The following CYP3A7 variants were observed in gnomAD, a reference collection of about 807,000 sequenced individuals.
CYP3A7 encodes cytochrome P450 3A7.
CYP3A7 carries 45 observed loss-of-function variants against 55.2 expected under a neutral mutation model. That is an observed-to-expected ratio of 0.82 (90% CI 0.64 to 1.05). CYP3A7 has a LOEUF of 1.05. Ranked by LOEUF, CYP3A7 falls within the 50% of genes least tolerant of loss-of-function variation. The probability of loss-of-function intolerance (pLI) is 0.00; values close to 1 mark genes in which losing one functional copy is unlikely to be tolerated. For synonymous variants in CYP3A7, 180 were observed against 207.4 expected, an observed-to-expected ratio of 0.87 and a Z score of 1.13; for missense variants, 548 against 605.3, an observed-to-expected ratio of 0.91 and a Z score of 0.99.
At chr7:99,730,188 C>T (rs1295974098) in intron 2 of CYP3A7, among the ~76,000 whole-genome samples, 1 of 152,138 alleles carries the variant, frequency 6.6e-6, no homozygotes, top group Non-Finnish European at 1.5e-5. Flanking sequence ...ACCAAAGTCC[C>T]CAGTCCATGA....
intron 10 of CYP3A7, 87 bp downstream of exon 10, chr7:99,710,645 T>G: frequency 6.2e-7 from 1 of 1,602,752 alleles, no homozygotes; most frequent in South Asian, 1.1e-5. Context: ...ATTATGCTTT[T>G]TATAAAAATT....
At chr7:99,707,333 T>A (rs1195159143) in intron 12 of CYP3A7, among the ~76,000 whole-genome samples, 2 of 152,162 alleles carry the variant, frequency 1.3e-5, no homozygotes, top group African/African-American at 4.8e-5. Context: ...TCTGGGCAAA[T>A]TAGTTTAGAA....
chr7:99,707,929 T>C lies in CYP3A7; in HGVS notation c.1299A>G (p.Thr433=). The C allele has an allele frequency of 1.2e-6, 2 of 1,613,858 alleles. No homozygotes were observed. Among genetic ancestry groups the C allele is most frequent in the Non-Finnish European group, 8.5e-7 (1 of 1,179,870 alleles). ...AGTTTCTGGGTCCACTTCCAAAGGG[T>C]GTGTATATGTAAGGATCTATGTTGT... ...NKDNIDPYIY[T]PFGSGPRNCI... Residue 433 remains threonine (T), a synonymous_variant, in exon 12 of 13, where the codon ACA becomes ACG. Transcript: ENST00000336374.
At chr7:99,709,012 C>T (rs1813639196) in intron 11 of CYP3A7, 23 bp downstream of exon 11, 1 of 1,613,684 alleles carries the variant, frequency 6.2e-7, no homozygotes, top group East Asian at 2.2e-5. Flanking sequence ...TCAGGGAGGG[C>T]TCCCTTCCCA....
chr7:99,718,925 A>G (rs538583091), intron 4 of CYP3A7, among the ~76,000 whole-genome samples: 3 of 152,338 alleles, frequency 2.0e-5, no homozygotes, highest in East Asian at 3.9e-4. Flanking sequence ...AAAATGAAAT[A>G]CTTTAGCTGT....
rs759676280 is a variant in CYP3A7, at chr7:99,731,042, A to C, written c.165+17T>G. 2.7e-5 allele frequency: 44 copies of C among 1,613,376 alleles called. No individual in the cohort carries two copies. The highest frequency in any genetic ancestry group is 3.6e-5 in the Non-Finnish European group (43 of 1,179,408). ...TGCAATCATAAGAAGCAAAAGAGGA[A>C]GCTCAAAAACACTCACCTTACGGAA... On this transcript the variant is annotated intron_variant, in intron 2 of 12. Coordinates refer to ENST00000336374, the MANE Select transcript of CYP3A7 (RefSeq NM_000765.5).
chr7:99,728,063 A>G (rs1350577309), intron 2 of CYP3A7, among the ~76,000 whole-genome samples: 1 of 152,114 alleles, frequency 6.6e-6, no homozygotes, highest in Admixed American at 6.5e-5. Flanking sequence ...TCTGTCCCTC[A>G]TGGCCAGTTT....
chr7:99,726,435 A>G (rs1814415779), intron 2 of CYP3A7, among the ~76,000 whole-genome samples: 1 of 152,066 alleles, frequency 6.6e-6, no homozygotes, highest in African/African-American at 2.4e-5. Flanking sequence ...TTGTTTTCCT[A>G]TCCACCCTGT....
chr7:99,729,208 T>G (rs1814531812), intron 2 of CYP3A7, among the ~76,000 whole-genome samples: 1 of 152,150 alleles, frequency 6.6e-6, no homozygotes, highest in African/African-American at 2.4e-5. Flanking sequence ...TTCAATTGGT[T>G]TCTCAATTAA....
Position 99,707,828 on chromosome 7 carries a change from G to A in CYP3A7, c.1400C>T (p.Pro467Leu), listed in dbSNP as rs771400519. ...VRVLQNFSFK[P>L]CKETQIPLKL... ...TTGACTGACCTGTGTTTCTTTACAA[G>A]GTTTGAAGGAGAAGTTCTGAAGGAC... The change falls in exon 12 of 13, where the codon CCT becomes CTT. Residue 467 changes from proline to leucine, a missense_variant. Pro to Leu is a moderately conservative substitution (Grantham distance 98). Transcript: ENST00000336374. 1 of 1,613,848 alleles carries A rather than the reference G, an allele frequency of 6.2e-7. No homozygotes were observed. The highest frequency in any genetic ancestry group is 1.1e-5 in the South Asian group (1 of 91,076).
chr7:99,722,210 G>T, intron 3 of CYP3A7, 86 bp downstream of exon 3: 1 of 1,552,898 alleles, frequency 6.4e-7, no homozygotes, highest in Non-Finnish European at 8.9e-7. Context: ...ATCGCAAGAG[G>T]CTCTGGGCTG....
rs1161824958 is a variant in CYP3A7 at position 99,722,307 on chromosome 7, T to C, written c.207A>G (p.Arg69=). ...TFDMECYKKY[R]KVWGIYDCQQ... Reference sequence around the variant, plus strand: ...TCCAGAATACTCACCCCCAGACTTTTCTATACTTTTTATAACATTCCATGT... The same window carrying C: ...TCCAGAATACTCACCCCCAGACTTTCCTATACTTTTTATAACATTCCATGT... The change falls in exon 3 of 13, where the codon AGA becomes AGG. Residue 69 remains arginine (R), a synonymous_variant. Coordinates refer to ENST00000336374, the MANE Select transcript of CYP3A7 (RefSeq NM_000765.5). 1 of 1,613,538 alleles carries C rather than the reference T, an allele frequency of 6.2e-7. No individual in the cohort carries two copies. The highest frequency in any genetic ancestry group is 1.3e-5 in the African/African-American group (1 of 74,898).
chr7:99,718,432 C>G (rs1237868782), intron 4 of CYP3A7, among the ~76,000 whole-genome samples: 3 of 152,080 alleles, frequency 2.0e-5, no homozygotes, highest in Admixed American at 6.6e-5. Flanking sequence ...AGCCAGCATG[C>G]TTGAAACTCT....
chr7:99,708,471 TTC>T (rs550946715), intron 11 of CYP3A7, among the ~76,000 whole-genome samples: 173 of 152,020 alleles, frequency 1.1e-3, no homozygotes, highest in African/African-American at 3.8e-3. Flanking sequence ...TTACCCCTCC[TTC>T]TCTCCTCCTT....
chr7:99,717,447 A>T (rs763827952), intron 5 of CYP3A7, 79 bp downstream of exon 5: 15 of 1,594,356 alleles, frequency 9.4e-6, no homozygotes, highest in Non-Finnish European at 1.3e-5. Context: ...CTCGGAAAGG[A>T]ACTCTGATCT....
rs368444150 is a variant in CYP3A7 at position 99,726,985 on chromosome 7, G to T, written c.165+4074C>A. Among the ~76,000 whole-genome samples, 7 of 152,116 alleles carry T rather than the reference G, an allele frequency of 4.6e-5. No homozygotes were observed. The East Asian group carries it at 1.2e-3, about 25-fold the overall frequency. ...TTCCTGGGCATGGTTGGATACTTTT[G>T]CCTTTGGATACCTGGTTTTGCCATC... On this transcript the variant is annotated intron_variant, in intron 2 of 12. Transcript: ENST00000336374.
chr7:99,729,173 CCTT>C (rs1287897056), intron 2 of CYP3A7, among the ~76,000 whole-genome samples: 2 of 152,072 alleles, frequency 1.3e-5, no homozygotes, highest in Non-Finnish European at 2.9e-5. Context: ...CTGTTTTTCT[CCTT>C]CTGTTATTCG....
chr7:99,707,912 G>C lies in CYP3A7; in HGVS notation c.1316C>G (p.Pro439Arg). 1 of 1,613,996 alleles carries C rather than the reference G, an allele frequency of 6.2e-7. No individual in the cohort carries two copies. Among genetic ancestry groups the C allele is most frequent in the Non-Finnish European group, 8.5e-7 (1 of 1,179,906 alleles). Residue 439 changes from proline to arginine, a missense_variant, in exon 12 of 13, where the codon CCC becomes CGC. Physicochemically the swap from Pro to Arg is moderately radical, Grantham distance 103. Coordinates refer to ENST00000336374, the MANE Select transcript of CYP3A7 (RefSeq NM_000765.5). ...PYIYTPFGSG[P>R]RNCIGMRFAL... ...AAACCTCATGCCAATGCAGTTTCTG[G>C]GTCCACTTCCAAAGGGTGTGTATAT... is the stretch of plus-strand genomic sequence containing the variant.
rs748017013 is a variant in CYP3A7, at chr7:99,731,141, C to A, written c.83G>T (p.Arg28Leu). Reference sequence around the variant, plus strand: ...AAGCTTCTTAAAAAGTCCATGTGTACGGGTTCCATATCTACAAAGTGAAAC... The same window carrying A: ...AAGCTTCTTAAAAAGTCCATGTGTAAGGGTTCCATATCTACAAAGTGAAAC... Reference protein sequence around the residue: ...SLILLYLYGTRTHGLFKKLGI... With the variant: ...SLILLYLYGTLTHGLFKKLGI... The change falls in exon 2 of 13, where the codon CGT becomes CTT. Residue 28 changes from arginine (R) to leucine (L), a missense_variant. Coordinates refer to ENST00000336374, the MANE Select transcript of CYP3A7 (RefSeq NM_000765.5). 1.5e-5 allele frequency: 24 copies of A among 1,613,544 alleles called. 1 individual carries two copies. The South Asian group carries it at 2.6e-4, about 18-fold the overall frequency.
Sources: allele counts gnomAD v4.1 joint callset (sites outside exome capture counted in the v4.1 genomes callset), GRCh38; gene constraint gnomAD v4.1.1; transcripts MANE v1.5; gene names NCBI Gene and HGNC (gene_info 2026-07-23, HGNC 2026-07-21).